Variants in PSG3 observed in about 807,000 individuals in gnomAD.
PSG3 encodes the protein pregnancy specific beta-1-glycoprotein 3.
Under a neutral mutation model 47.5 loss-of-function variants are expected in PSG3, and 61 were observed. The ratio of observed to expected loss-of-function variants is 1.28; its 90% CI spans 1.05 to 1.59. The LOEUF is 1.59. Ranked by LOEUF, PSG3 falls within the 40% of genes most tolerant of loss-of-function variation. PSG3 has a pLI of 0.00. For missense variants in PSG3, 756 were observed against 524.0 expected, an observed-to-expected ratio of 1.44 and a Z score of -4.32; for synonymous variants, 263 against 198.4, an observed-to-expected ratio of 1.33 and a Z score of -2.74.
intron 2 of PSG3, among the ~76,000 whole-genome samples, chr19:42,734,703 A>G (rs1384142848): frequency 2.0e-5 from 3 of 152,230 alleles, no homozygotes; most frequent in Non-Finnish European, 2.9e-5. Flanking sequence ...GAAATTAGCA[A>G]CTCCTTAAGT....
At chr19:42,722,211 T>C in intron 6 of PSG3, 121 bp from the exon 7 acceptor site, 1 of 396,666 alleles carries the variant, frequency 2.5e-6, no homozygotes, top group Non-Finnish European at 4.5e-6. Flanking sequence ...GATAACATAT[T>C]TGATTTCCAG....
At chr19:42,723,853 T>A in intron 6 of PSG3, 89 bp downstream of exon 6, 1 of 1,027,036 alleles carries the variant, frequency 9.7e-7, no homozygotes. Context: ...GGAGATCCAG[T>A]CCCAGATACA....
rs139303960 is a variant in PSG3, at chr19:42,738,899, A to C, written c.255T>G (p.Asp85Glu). 6.2e-7 allele frequency: 1 copy of C among 1,614,032 alleles called. No homozygotes were observed. The highest frequency in any genetic ancestry group is 1.1e-5 in the South Asian group (1 of 91,080). The change falls in exon 2 of 7, where the codon GAT becomes GAG. Residue 85 changes from aspartate (D) to glutamate (E), a missense_variant. Asp to Glu is a conservative substitution (Grantham distance 45). Coordinates refer to ENST00000327495, the MANE Select transcript of PSG3 (RefSeq NM_021016.4). ...CAGGCCCATATATAATTATTTGACC[A>C]TCTACTACGTATGATGTAATGTAAT... ...LYHYITSYVV[D>E]GQIIIYGPAY... is the part of the protein sequence containing the mutation.
chr19:42,723,577 A>G (rs972413108), intron 6 of PSG3, among the ~76,000 whole-genome samples: 1 of 152,242 alleles, frequency 6.6e-6, no homozygotes, highest in African/African-American at 2.4e-5. Context: ...CAAAGTCTGG[A>G]GACAAGAAGT....
intron 2 of PSG3, chr19:42,734,269 T>G (rs1421194253): frequency 6.6e-6 from 1 of 152,242 alleles, no homozygotes; most frequent in Non-Finnish European, 1.5e-5. Context: ...CTAATTTTTT[T>G]TATTTTGGAA....
Position 42,722,004 on chromosome 19 carries a change from G to A in PSG3, c.*127C>T. ...AACTTGTATTCAAGAGTCCTTGTCA[G>A]AGTCTTTTCATAAATCTCCTTGAAC... On this transcript the variant is annotated 3_prime_UTR_variant, in exon 7 of 7. Coordinates refer to ENST00000327495, the MANE Select transcript of PSG3 (RefSeq NM_021016.4). The A allele has an allele frequency of 2.4e-6, 1 of 416,854 alleles. No homozygotes were observed. Among genetic ancestry groups the A allele is most frequent in the Non-Finnish European group, 4.4e-6 (1 of 227,352 alleles). The allele number at this position is 416,854 out of a possible 1,614,324, so 25.8% of individuals were successfully genotyped here.
At chr19:42,733,984 T>A (rs1969519699) in intron 2 of PSG3, 2 of 152,172 alleles carry the variant, frequency 1.3e-5, no homozygotes, top group Non-Finnish European at 2.9e-5. Flanking sequence ...GAAGAAGCCT[T>A]GCAGATACTT....
chr19:42,734,660 A>G (rs921930511), intron 2 of PSG3, among the ~76,000 whole-genome samples: 12 of 152,328 alleles, frequency 7.9e-5, no homozygotes, highest in African/African-American at 2.4e-4. Flanking sequence ...GCAGGATCAC[A>G]TTATGCTCAA....
intron 2 of PSG3, among the ~76,000 whole-genome samples, chr19:42,737,082 C>A (rs183665165): frequency 0.012 from 1,801 of 152,050 alleles, 31 homozygotes; most frequent in African/African-American, 0.042. Context: ...GCAGTGAGGG[C>A]TACACTGACT....
At chr19:42,736,865 C>T (rs951159578) in intron 2 of PSG3, among the ~76,000 whole-genome samples, 1 of 152,114 alleles carries the variant, frequency 6.6e-6, no homozygotes, top group Non-Finnish European at 1.5e-5. Context: ...GTGATTTCTG[C>T]ACCTTTCCTA....
chr19:42,735,348 G>A (rs1282007205), intron 2 of PSG3, among the ~76,000 whole-genome samples: 1 of 151,964 alleles, frequency 6.6e-6, no homozygotes, highest in East Asian at 1.9e-4. Flanking sequence ...AGTATCAAAA[G>A]CATTCTTCAT....
At position 42,738,617 on chromosome 19, in the gene PSG3, G is replaced by T. The variant is rs563887933; in HGVS notation, c.430+107C>A. ...ACTAAATGCCCAAACCCCAGCATGGGACATAATGCAGAGAGGGACACAGGC... is the reference window on the plus strand; with the variant it reads ...ACTAAATGCCCAAACCCCAGCATGGTACATAATGCAGAGAGGGACACAGGC... On this transcript the variant is annotated intron_variant, in intron 2 of 6. Coordinates refer to ENST00000327495, the MANE Select transcript of PSG3 (RefSeq NM_021016.4). 10 of 1,598,698 alleles carry T rather than the reference G, an allele frequency of 6.3e-6. No homozygotes were observed. The Admixed American group carries it at 8.4e-5, about 13-fold the overall frequency.
At position 42,732,441 on chromosome 19, in the gene PSG3, G is replaced by T. The variant is rs538665959; in HGVS notation, c.709+343C>A. 306 of 466,554 alleles carry T rather than the reference G, an allele frequency of 6.6e-4. 2 individuals carry two copies. Among genetic ancestry groups the T allele is most frequent in the Non-Finnish European group, 1.0e-3 (257 of 257,432 alleles). The allele number at this position is 466,554 out of a possible 1,614,324, so 28.9% of individuals were successfully genotyped here. On this transcript the variant is annotated intron_variant, in intron 3 of 6. Transcript: ENST00000327495. ...TTGTCAGAGGGAAGGGAAAATCCTG[G>T]TCTGTGGAAGGGCCACAGTGACCCT...
chr19:42,728,995 G>A, intron 5 of PSG3, 128 bp downstream of exon 5: 1 of 1,579,640 alleles, frequency 6.3e-7, no homozygotes, highest in Non-Finnish European at 8.6e-7. Context: ...GGTTCAGGAG[G>A]AGAATTTGGG....
chr19:42,739,748 G>A (rs1969636965), intron 1 of PSG3, among the ~76,000 whole-genome samples: 1 of 152,094 alleles, frequency 6.6e-6, no homozygotes, highest in Non-Finnish European at 1.5e-5. Flanking sequence ...TATTTGAAGT[G>A]TCATCTGATA....
chr19:42,731,771 C>G (rs1969476772), intron 3 of PSG3: 1 of 151,406 alleles, frequency 6.6e-6, no homozygotes, highest in South Asian at 2.1e-4. Context: ...AATGTGTTTC[C>G]ATATATTGAT....
chr19:42,739,156 G>C lies in PSG3; in HGVS notation c.65-67C>G, dbSNP rs2122203232. On this transcript the variant is annotated intron_variant, in intron 1 of 6. Transcript: ENST00000327495. ...CATTGGGGTGAAAAGATGTGGCCCT[G>C]GGTCCTGAGAAGGTCTCTTCAATCC... 2.0e-6 allele frequency: 3 copies of C among 1,527,304 alleles called. No homozygotes were observed. The Admixed American group carries it at 5.6e-5, about 29-fold the overall frequency. The allele number at this position is 1,527,304 out of a possible 1,614,324, so 94.6% of individuals were successfully genotyped here. A position where few individuals can be genotyped will look rare whatever the true frequency, so the allele number is the denominator to read the frequency against.
rs772836893 is a variant in PSG3 at position 42,740,370 on chromosome 19, T to C, written c.15A>G (p.Ser5=). The C allele has an allele frequency of 6.2e-7, 1 of 1,614,022 alleles. No individual in the cohort carries two copies. Among genetic ancestry groups the C allele is most frequent in the Non-Finnish European group, 8.5e-7 (1 of 1,179,912 alleles). MGPL[S]APPCTQRITW... ...TGATGCGCTGTGTGCAGGGAGGGGCTGAGAGGGGCCCCATGGTCTCTGCTG... is the reference window on the plus strand; with the variant it reads ...TGATGCGCTGTGTGCAGGGAGGGGCCGAGAGGGGCCCCATGGTCTCTGCTG... The change falls in exon 1 of 7, where the codon TCA becomes TCG. Residue 5 remains serine (S), a synonymous_variant. Coordinates refer to ENST00000327495, the MANE Select transcript of PSG3 (RefSeq NM_021016.4).
intron 1 of PSG3, 78 bp downstream of exon 1, chr19:42,740,243 C>G: frequency 6.2e-7 from 1 of 1,612,366 alleles, no homozygotes; most frequent in East Asian, 2.2e-5. Flanking sequence ...TTTTAGAACC[C>G]CAGGAGTCTC....
Sources: allele counts gnomAD v4.1 joint callset (sites outside exome capture counted in the v4.1 genomes callset), GRCh38; gene constraint gnomAD v4.1.1; transcripts MANE v1.5; gene names NCBI Gene and HGNC (gene_info 2026-07-23, HGNC 2026-07-21).